Variants in CAMKMT observed in about 807,000 individuals in gnomAD.
The protein encoded by CAMKMT is CaM KMT.
Under a neutral mutation model 48.0 loss-of-function variants are expected in CAMKMT, and 53 were observed. The ratio of observed to expected loss-of-function variants is 1.10; its 90% confidence interval spans 0.89 to 1.39. CAMKMT has a LOEUF of 1.39. Ranked by LOEUF, CAMKMT falls within the 40% of genes most tolerant of loss-of-function variation. The pLI, the probability that CAMKMT is intolerant of heterozygous loss-of-function variation, is 0.00. For synonymous variants in CAMKMT, 165 were observed against 152.3 expected, an observed-to-expected ratio of 1.08 and a Z score of -0.61; for missense variants, 428 against 402.7, an observed-to-expected ratio of 1.06 and a Z score of -0.54.
intron 3 of CAMKMT, among the ~76,000 whole-genome samples, chr2:44,677,245 G>A (rs1193547076): frequency 6.6e-6 from 1 of 152,210 alleles, no homozygotes; most frequent in African/African-American, 2.4e-5. Context: ...GGCAGCATGA[G>A]CTTATTCCTA....
intron 3 of CAMKMT, among the ~76,000 whole-genome samples, chr2:44,572,507 A>G (rs1668969504): frequency 6.6e-6 from 1 of 152,216 alleles, no homozygotes; most frequent in Non-Finnish European, 1.5e-5. Flanking sequence ...ATATATTAAT[A>G]CTATATTTTG....
At chr2:44,579,521 G>A (rs1189868113) in intron 3 of CAMKMT, among the ~76,000 whole-genome samples, 1 of 152,182 alleles carries the variant, frequency 6.6e-6, no homozygotes, top group Non-Finnish European at 1.5e-5. Context: ...AAGCTGCATG[G>A]AAAGAAAGAG....
intron 3 of CAMKMT, among the ~76,000 whole-genome samples, chr2:44,669,311 T>G (rs1053493273): frequency 5.3e-5 from 8 of 152,216 alleles, no homozygotes; most frequent in Non-Finnish European, 1.0e-4. Context: ...TATTAGTTTA[T>G]TTTTCCAGTG....
chr2:44,758,332 C>T (rs1019720495), intron 9 of CAMKMT, among the ~76,000 whole-genome samples: 2 of 152,154 alleles, frequency 1.3e-5, no homozygotes, highest in Non-Finnish European at 2.9e-5. Flanking sequence ...CCCAGAGAGA[C>T]CTTAGCCACC....
intron 7 of CAMKMT, among the ~76,000 whole-genome samples, chr2:44,738,450 T>C (rs1469767900): frequency 6.6e-6 from 1 of 152,368 alleles, no homozygotes; most frequent in Admixed American, 6.5e-5. Context: ...GTGGACTTCA[T>C]ATCTAGCTAA....
intron 3 of CAMKMT, among the ~76,000 whole-genome samples, chr2:44,451,776 G>A (rs1667300225): frequency 6.6e-6 from 1 of 151,758 alleles, no homozygotes; most frequent in African/African-American, 2.4e-5. Flanking sequence ...AATCTAGGTG[G>A]TAGGTATATG....
intron 3 of CAMKMT, among the ~76,000 whole-genome samples, chr2:44,489,385 A>G (rs1351950877): frequency 1.3e-5 from 2 of 151,424 alleles, no homozygotes; most frequent in Admixed American, 6.6e-5. Flanking sequence ...ATTTGGGATT[A>G]CAGGCACCCG....
chr2:44,652,878 C>G (rs773541104), intron 3 of CAMKMT, among the ~76,000 whole-genome samples: 6 of 152,184 alleles, frequency 3.9e-5, no homozygotes, highest in Non-Finnish European at 7.3e-5. Context: ...TATTCAGAGA[C>G]CGAGCATCTA....
At chr2:44,747,300 C>T (rs548175509) in intron 8 of CAMKMT, among the ~76,000 whole-genome samples, 92 of 152,092 alleles carry the variant, frequency 6.0e-4, no homozygotes, top group Middle Eastern at 3.4e-3. Flanking sequence ...ATTTTTTTCC[C>T]TCAAAATGGA....
At chr2:44,757,919 A>C (rs763189828) in intron 9 of CAMKMT, among the ~76,000 whole-genome samples, 9 of 151,994 alleles carry the variant, frequency 5.9e-5, no homozygotes, top group Non-Finnish European at 1.3e-4. Context: ...TGCTGGTGGG[A>C]GGGGAAGACA....
At chr2:44,434,239 T>TC (rs1684817207) in intron 3 of CAMKMT, among the ~76,000 whole-genome samples, 2 of 151,476 alleles carry the variant, frequency 1.3e-5, no homozygotes, top group South Asian at 4.2e-4. Context: ...TTTTTTTTTT[T>TC]GGTGTTGGTT....
At position 44,415,739 on chromosome 2, in the gene CAMKMT, T is replaced by C. The variant is rs556238300; in HGVS notation, c.376+25434T>C. ...TCCACATTTCTTCAAGTGGCTGCCA[T>C]AGAATGGAAATTGAAATCCCTGGGT... is the stretch of plus-strand genomic sequence containing the variant. On this transcript the variant is annotated intron_variant, in intron 3 of 10. Coordinates refer to ENST00000378494, the MANE Select transcript of CAMKMT (RefSeq NM_024766.5). 2.0e-5 allele frequency among the ~76,000 whole-genome samples: 3 copies of C among 152,312 alleles called. No individual in the cohort carries two copies. The East Asian group carries it at 5.8e-4, about 29-fold the overall frequency.
chr2:44,622,895 T>G (rs1672278132), intron 3 of CAMKMT, among the ~76,000 whole-genome samples: 1 of 152,176 alleles, frequency 6.6e-6, no homozygotes. Flanking sequence ...TTTTCAGTTC[T>G]TTTCAGAAAT....
rs117842644 is a variant in CAMKMT, at chr2:44,672,451, G to T, written c.377-31832G>T. ...CTGCTCTTCATTTGACATTTGCTGA[G>T]CCCCTCTTGAATTTACTTTTGCAGA... On this transcript the variant is annotated intron_variant, in intron 3 of 10. Coordinates refer to ENST00000378494, the MANE Select transcript of CAMKMT (RefSeq NM_024766.5). Among the ~76,000 whole-genome samples, 55 of 152,014 alleles carry T rather than the reference G, an allele frequency of 3.6e-4. 1 individual carries two copies. In the East Asian group the frequency reaches 7.2e-3, roughly 20 times the overall value.
chr2:44,704,145 G>A (rs1677412671), intron 3 of CAMKMT, 138 bp from the exon 4 acceptor site: 5 of 466,444 alleles, frequency 1.1e-5, no homozygotes, highest in Middle Eastern at 5.1e-4. Flanking sequence ...AAAGACACCC[G>A]TGACATGACA....
At chr2:44,733,860 A>G (rs1045584607) in intron 7 of CAMKMT, among the ~76,000 whole-genome samples, 8 of 152,142 alleles carry the variant, frequency 5.3e-5, no homozygotes, top group African/African-American at 1.9e-4. Flanking sequence ...GATATGTTGT[A>G]TTAATATTGC....
At chr2:44,372,634 C>A in intron 1 of CAMKMT, 82 bp from the exon 2 acceptor site, 1 of 1,231,138 alleles carries the variant, frequency 8.1e-7, no homozygotes. Context: ...GTCCCCTTAC[C>A]ACTTAAATTT....
At chr2:44,418,539 G>C (rs1159046758) in intron 3 of CAMKMT, among the ~76,000 whole-genome samples, 1 of 151,974 alleles carries the variant, frequency 6.6e-6, no homozygotes, top group Non-Finnish European at 1.5e-5. Context: ...CATCCTTTTT[G>C]AAAATCATTT....
intron 7 of CAMKMT, among the ~76,000 whole-genome samples, chr2:44,721,902 C>T (rs1163395588): frequency 2.0e-5 from 3 of 152,172 alleles, no homozygotes; most frequent in Non-Finnish European, 4.4e-5. Context: ...CCCTTCCTCA[C>T]TCCTCCCTCC....
Sources: allele counts gnomAD v4.1 joint callset (sites outside exome capture counted in the v4.1 genomes callset), GRCh38; gene constraint gnomAD v4.1.1; transcripts MANE v1.5; gene names NCBI Gene and HGNC (gene_info 2026-07-23, HGNC 2026-07-21).